BANP: variants seen among roughly 807,000 people sequenced by gnomAD.
BANP encodes the protein BTG3 associated nuclear protein.
BANP carries 11 observed loss-of-function variants against 68.1 expected under a neutral mutation model. The ratio of observed to expected loss-of-function variants is 0.16; its 90% CI spans 0.10 to 0.27. The LOEUF (loss-of-function observed/expected upper bound fraction) is 0.27. BANP is among the 10% of genes least tolerant of loss of function. BANP has a pLI of 1.00. For missense variants in BANP, 504 were observed against 722.7 expected, an observed-to-expected ratio of 0.70 and a Z score of 3.47; for synonymous variants, 329 against 303.2, an observed-to-expected ratio of 1.09 and a Z score of -0.88.
intron 9 of BANP, among the ~76,000 whole-genome samples, chr16:88,034,814 C>T (rs1031134310): frequency 5.3e-5 from 3 of 56,940 alleles, no homozygotes; most frequent in African/African-American, 9.3e-5. Context: ...ACACAGCAGC[C>T]CCCCCTTACC....
chr16:87,953,700 G>C (rs1165163053), intron 1 of BANP, among the ~76,000 whole-genome samples: 3 of 151,994 alleles, frequency 2.0e-5, no homozygotes, highest in Non-Finnish European at 4.4e-5. Context: ...CTTTTCTCTT[G>C]GCACTTTCTG....
intron 2 of BANP, chr16:87,978,354 TC>T: frequency 3.9e-6 from 1 of 253,836 alleles, no homozygotes. Context: ...CCCAGAGAAG[TC>T]CCATAACCTT....
intron 1 of BANP, chr16:87,956,846 C>T (rs2058148119): frequency 6.6e-6 from 1 of 152,234 alleles, no homozygotes. Context: ...ACACTCTCCG[C>T]CACCCTCCAT....
intron 6 of BANP, among the ~76,000 whole-genome samples, chr16:88,013,030 C>T (rs982446478): frequency 2.0e-5 from 3 of 152,164 alleles, no homozygotes; most frequent in Non-Finnish European, 2.9e-5. Flanking sequence ...CCTTCCATTT[C>T]AGTGTAGAAA....
At chr16:87,985,893 T>C (rs1474104527) in intron 4 of BANP, among the ~76,000 whole-genome samples, 1 of 152,216 alleles carries the variant, frequency 6.6e-6, no homozygotes, top group Non-Finnish European at 1.5e-5. Context: ...TCATGGAAAA[T>C]TCAAGTCATA....
chr16:88,033,184 C>T lies in BANP; in HGVS notation c.1139C>T (p.Ala380Val), dbSNP rs1175969744. 1.2e-6 allele frequency: 2 copies of T among 1,611,288 alleles called. No individual in the cohort carries two copies. The highest frequency in any genetic ancestry group is 1.7e-6 in the Non-Finnish European group (2 of 1,177,904). Reference protein sequence around the residue: ...PQPQPQALHYALANAQQVQIH... With the variant: ...PQPQPQALHYVLANAQQVQIH... The stretch of plus-strand genomic sequence containing the variant: ...CCGCAGCCGCAGGCCCTGCACTACG[C>T]GCTGGCCAACGCACAGCAGGTGCAG... The change falls in exon 9 of 14, where the codon GCG (alanine) becomes GTG (valine). Residue 380 changes from alanine (A) to valine (V), a missense_variant. Around this residue, in one of 3 missense-constraint regions of BANP, gnomAD observed 223 missense variants for 246.2 expected, o/e 0.91. Coordinates refer to ENST00000682872, the MANE Select transcript of BANP (RefSeq NM_001386991.1).
At chr16:88,007,460 G>A (rs182863526) in intron 6 of BANP, among the ~76,000 whole-genome samples, 1 of 152,234 alleles carries the variant, frequency 6.6e-6, no homozygotes, top group Non-Finnish European at 1.5e-5. Flanking sequence ...GGCCTGCCCA[G>A]TGTGCCTTTC....
At chr16:88,069,178 T>C (rs1229987776) in intron 12 of BANP, among the ~76,000 whole-genome samples, 4 of 152,206 alleles carry the variant, frequency 2.6e-5, no homozygotes, top group Non-Finnish European at 5.9e-5. Flanking sequence ...GTAAAGATCA[T>C]GGGAAGGGGC....
chr16:88,070,622 A>C (rs1013717480), intron 12 of BANP, among the ~76,000 whole-genome samples: 1 of 152,064 alleles, frequency 6.6e-6, no homozygotes, highest in Non-Finnish European at 1.5e-5. Flanking sequence ...TTTGGGGGGC[A>C]CACCTGGTCT....
intron 2 of BANP, 144 bp from the exon 3 acceptor site, chr16:87,980,888 GAATA>G (rs1404840185): frequency 3.2e-6 from 2 of 619,044 alleles, no homozygotes; most frequent in Admixed American, 2.7e-5. Flanking sequence ...GCCTGACTGA[GAATA>G]AGTTTAAAAA....
At position 88,064,763 on chromosome 16, in the gene BANP, C is replaced by T. The variant is rs886313812; in HGVS notation, c.1312-504C>T. ...GCCTTCATGCGGTTGGGGGTGCTGC[C>T]GCTCTTGCCCGCAGGGCACTCCTCT... On this transcript the variant is annotated intron_variant, in intron 11 of 13. Transcript: ENST00000682872. This position sits in a 1 kb window ranked among gnomAD's most constrained non-coding sequence, Gnocchi z 4.5. 2.0e-5 allele frequency among the ~76,000 whole-genome samples: 3 copies of T among 152,198 alleles called. No homozygotes were observed. The highest frequency in any genetic ancestry group is 2.1e-4 in the South Asian group (1 of 4,834).
chr16:88,021,436 A>C (rs1026788413), intron 7 of BANP, among the ~76,000 whole-genome samples: 9 of 152,162 alleles, frequency 5.9e-5, no homozygotes, highest in Non-Finnish European at 1.3e-4. Flanking sequence ...GCTGACCTTC[A>C]GGGTGACTTT....
intron 11 of BANP, among the ~76,000 whole-genome samples, chr16:88,047,818 C>T (rs907050651): frequency 6.6e-6 from 1 of 152,230 alleles, no homozygotes; most frequent in East Asian, 1.9e-4. Flanking sequence ...GTTTGGTGTA[C>T]TTGGCAGTAA....
chr16:88,027,550 C>T lies in BANP; in HGVS notation c.963C>T (p.Ser321=). Residue 321 remains serine (S), a synonymous_variant, in exon 8 of 14, where the codon TCC becomes TCT. Transcript: ENST00000682872. The stretch of plus-strand genomic sequence containing the variant: ...ACCGAATCAAGCAGAGCATCGACTC[C>T]AAGTGCCGCACGGCGTGGCGGCGCA... ...DWYRIKQSID[S]KCRTAWRRKQ... 1 of 1,613,914 alleles carries T rather than the reference C, an allele frequency of 6.2e-7. No homozygotes were observed. The highest frequency in any genetic ancestry group is 8.5e-7 in the Non-Finnish European group (1 of 1,179,894).
chr16:88,069,636 C>T (rs1245846051), intron 12 of BANP, among the ~76,000 whole-genome samples: 1 of 152,226 alleles, frequency 6.6e-6, no homozygotes, highest in Non-Finnish European at 1.5e-5. Flanking sequence ...CTCCTAACCC[C>T]ACCCAGGTCT....
At chr16:88,014,863 G>C (rs1305309385) in intron 6 of BANP, among the ~76,000 whole-genome samples, 1 of 152,052 alleles carries the variant, frequency 6.6e-6, no homozygotes, top group African/African-American at 2.4e-5. Flanking sequence ...TGTACCCAGA[G>C]TTCCCATTAA....
chr16:88,025,464 C>T (rs1203437815), intron 7 of BANP, among the ~76,000 whole-genome samples: 7 of 152,266 alleles, frequency 4.6e-5, no homozygotes, highest in Admixed American at 2.0e-4. Context: ...AGCCAAAGGG[C>T]GGCTGCTTCC....
intron 4 of BANP, among the ~76,000 whole-genome samples, chr16:87,995,458 T>G (rs1250307488): frequency 6.6e-6 from 1 of 152,218 alleles, no homozygotes; most frequent in Non-Finnish European, 1.5e-5. Flanking sequence ...TCTGTCCATT[T>G]TTTCCTAATA....
At chr16:87,958,819 C>T (rs1410662668) in intron 1 of BANP, among the ~76,000 whole-genome samples, 1 of 152,240 alleles carries the variant, frequency 6.6e-6, no homozygotes, top group South Asian at 2.1e-4. Flanking sequence ...AGACTAATAA[C>T]CTCACAGTAG....
Sources: gnomAD v4.1 joint callset for allele counts (sites outside exome capture counted in the v4.1 genomes callset) on GRCh38, gnomAD v4.1.1 for gene constraint, gnomAD v4.1.1 regional missense constraint, Gnocchi (gnomAD v3.1) non-coding constraint, MANE v1.5 for transcripts, NCBI Gene and HGNC (gene_info 2026-07-23, HGNC 2026-07-21) for gene names.